Variants in ABCC6 observed in about 807,000 individuals in gnomAD.
ABCC6 encodes the protein ATP binding cassette subfamily C member 6.
ABCC6 carries 126 observed loss-of-function variants against 169.5 expected under a neutral mutation model. That is an observed-to-expected ratio of 0.74 (90% CI 0.64 to 0.86). The LOEUF (loss-of-function observed/expected upper bound fraction) is 0.86. ABCC6 is among the 40% of genes least tolerant of loss of function. ABCC6 has a pLI of 0.00. For missense variants in ABCC6, 1,733 were observed against 1,927.2 expected, an observed-to-expected ratio of 0.90 and a Z score of 1.89; for synonymous variants, 752 against 814.7, an observed-to-expected ratio of 0.92 and a Z score of 1.31.
intron 25 of ABCC6, among the ~76,000 whole-genome samples, chr16:16,160,487 G>A (rs138203867): frequency 6.6e-6 from 1 of 151,864 alleles, no homozygotes; most frequent in South Asian, 2.1e-4. Context: ...GGGCAAAAGA[G>A]TGAGACCTTG....
chr16:16,162,987 TC>T lies in ABCC6; in HGVS notation c.3506+5del, dbSNP rs1304494572. 6.2e-7 allele frequency: 1 copy of T among 1,614,068 alleles called. No homozygotes were observed. ...GCAAGGTCTTCTCTGCCCTGGCTCT[TC>T]CTACCTGTCAGCCACCAGTCGCGGG... is the stretch of plus-strand genomic sequence containing the variant. On this transcript the variant is annotated splice_donor_5th_base_variant and intron_variant, in intron 24 of 30. Transcript: ENST00000205557.
chr16:16,211,293 CG>C (rs1199053544), intron 6 of ABCC6, among the ~76,000 whole-genome samples: 1 of 151,626 alleles, frequency 6.6e-6, no homozygotes, highest in African/African-American at 2.4e-5. Context: ...CTCAGCTACT[CG>C]GGAGGCTGAG....
intron 23 of ABCC6, among the ~76,000 whole-genome samples, chr16:16,164,166 T>TG (rs1489983150): frequency 6.6e-6 from 1 of 152,054 alleles, no homozygotes; most frequent in Non-Finnish European, 1.5e-5. Flanking sequence ...CCCAAGAAGC[T>TG]GGGATTACAA....
intron 7 of ABCC6, among the ~76,000 whole-genome samples, chr16:16,204,556 C>G (rs1452075599): frequency 2.0e-5 from 3 of 152,182 alleles, no homozygotes; most frequent in South Asian, 4.1e-4. Flanking sequence ...AGATCCCCAG[C>G]CTTTGGCTAT....
In ABCC6 at chr16:16,149,691, C is replaced by T. The variant is rs1453566991; in HGVS notation, c.*442G>A. The T allele has an allele frequency of 9.7e-6, 3 of 308,154 alleles. No individual in the cohort carries two copies. Among genetic ancestry groups the T allele is most frequent in the African/African-American group, 6.2e-5 (3 of 48,456 alleles). 19.1% of individuals were successfully genotyped at this position (308,154 alleles called of 1,614,324 possible). A position where few individuals can be genotyped will look rare whatever the true frequency, so the allele number is the denominator to read the frequency against. ...AATGGGGTACCAAGTACACGAATCT[C>T]TCTATATTATTGTTTCTTTAACTGC... On this transcript the variant is annotated 3_prime_UTR_variant, in exon 31 of 31. Coordinates refer to ENST00000205557, the MANE Select transcript of ABCC6 (RefSeq NM_001171.6).
intron 9 of ABCC6, among the ~76,000 whole-genome samples, chr16:16,200,733 T>C: frequency 6.6e-6 from 1 of 151,462 alleles, no homozygotes; most frequent in East Asian, 1.9e-4. Flanking sequence ...AGGTGACAGC[T>C]CAGGTGTCAG....
At chr16:16,155,140 T>C in intron 27 of ABCC6, 109 bp from the exon 28 acceptor site, 1 of 1,305,782 alleles carries the variant, frequency 7.7e-7, no homozygotes, top group Non-Finnish European at 1.1e-6. Flanking sequence ...CCTCATTGTG[T>C]AAAGGTCTAC....
At chr16:16,209,013 C>G (rs2048501274) in intron 6 of ABCC6, among the ~76,000 whole-genome samples, 154 bp from the exon 7 acceptor site, 2 of 152,164 alleles carry the variant, frequency 1.3e-5, no homozygotes, top group South Asian at 4.2e-4. Context: ...ACTAACCCCA[C>G]CTAATGTCTG....
At chr16:16,195,128 G>T (rs1001082151) in intron 10 of ABCC6, among the ~76,000 whole-genome samples, 1 of 152,020 alleles carries the variant, frequency 6.6e-6, no homozygotes, top group Non-Finnish European at 1.5e-5. Context: ...AGCAGAAGAT[G>T]AACATCTCTG....
chr16:16,205,451 C>A (rs2048365711), intron 7 of ABCC6, among the ~76,000 whole-genome samples: 1 of 151,910 alleles, frequency 6.6e-6, no homozygotes, highest in Non-Finnish European at 1.5e-5. Flanking sequence ...TAAGAAAAAC[C>A]TCTGGTGAGC....
At chr16:16,162,716 TG>T (rs1322001839) in intron 24 of ABCC6, among the ~76,000 whole-genome samples, 1 of 152,200 alleles carries the variant, frequency 6.6e-6, no homozygotes, top group Non-Finnish European at 1.5e-5. Context: ...TGGCTGAGGA[TG>T]CTTATATGGC....
At chr16:16,152,506 C>T (rs1567462634) in intron 29 of ABCC6, among the ~76,000 whole-genome samples, 1 of 152,080 alleles carries the variant, frequency 6.6e-6, no homozygotes, top group Non-Finnish European at 1.5e-5. Context: ...CCTCCAATTC[C>T]AACTCTGTGA....
At chr16:16,202,442 A>G (rs2048273896) in intron 8 of ABCC6, among the ~76,000 whole-genome samples, 1 of 152,122 alleles carries the variant, frequency 6.6e-6, no homozygotes, top group Non-Finnish European at 1.5e-5. Context: ...TTGTGTCCTC[A>G]CAAAGTTTAT....
chr16:16,176,466 T>C (rs780926701), intron 19 of ABCC6, among the ~76,000 whole-genome samples: 3 of 152,226 alleles, frequency 2.0e-5, no homozygotes, highest in Non-Finnish European at 4.4e-5. Context: ...ACTGCTACTG[T>C]AAGCTGCTAG....
Position 16,162,023 on chromosome 16 carries a change from A to G in ABCC6, c.3507-459T>C, listed in dbSNP as rs368777002. On this transcript the variant is annotated intron_variant, in intron 24 of 30. Transcript: ENST00000205557. ...TTCTCACAAGATCATATGGCGTAAA[A>G]GGATGCGGCAGTTCCCACCTCATGC... Among the ~76,000 whole-genome samples the G allele has an allele frequency of 5.1e-4, 77 of 152,236 alleles. 1 individual carries two copies. The highest frequency in any genetic ancestry group is 1.8e-3 in the African/African-American group (74 of 41,540).
rs1596719306 is a variant in ABCC6, at chr16:16,203,581, C to T, written c.827G>A (p.Gly276Asp). The change falls in exon 8 of 31, where the codon GGC becomes GAC. Residue 276 changes from glycine (G) to aspartate (D), a missense_variant. Transcript: ENST00000205557. ...HNKAIAFKRKGGSGMKAPETE... is the reference protein window; with the variant it reads ...HNKAIAFKRKDGSGMKAPETE... ...CTCTGGAGCCTTCATGCCACTGCCGCCTTTCCTTTTAAATGCTATTGCCTT... is the reference window on the plus strand; with the variant it reads ...CTCTGGAGCCTTCATGCCACTGCCGTCTTTCCTTTTAAATGCTATTGCCTT... 4.3e-6 allele frequency: 7 copies of T among 1,614,052 alleles called. 1 individual carries two copies. The Admixed American group carries it at 1.2e-4, about 27-fold the overall frequency.
chr16:16,208,647 C>G (rs931709297), intron 7 of ABCC6, 81 bp downstream of exon 7: 1 of 1,608,968 alleles, frequency 6.2e-7, no homozygotes, highest in Admixed American at 1.7e-5. Flanking sequence ...GCCGGGATTA[C>G]AGTCGTGAGC....
At chr16:16,208,600 C>G (rs1434419050) in intron 7 of ABCC6, 128 bp downstream of exon 7, 1 of 1,486,192 alleles carries the variant, frequency 6.7e-7, no homozygotes, top group East Asian at 2.3e-5. Context: ...TCTTGAACTC[C>G]TGACCTTGTG....
At chr16:16,152,061 G>T (rs985890261) in intron 29 of ABCC6, among the ~76,000 whole-genome samples, 1 of 151,714 alleles carries the variant, frequency 6.6e-6, no homozygotes, top group South Asian at 2.1e-4. Flanking sequence ...GCGTGGTGGC[G>T]GGCGCTTGTA....
Sources: allele counts gnomAD v4.1 joint callset (sites outside exome capture counted in the v4.1 genomes callset), GRCh38; gene constraint gnomAD v4.1.1; transcripts MANE v1.5; gene names NCBI Gene and HGNC (gene_info 2026-07-23, HGNC 2026-07-21).